Variants in EYA4 observed in about 807,000 individuals in gnomAD.
The protein encoded by EYA4 is protein phosphatase EYA4.
In EYA4, 31 loss-of-function variants were observed where a neutral mutation model predicts 87.9. The observed-to-expected ratio is 0.35, with a 90% confidence interval of 0.27 to 0.48. The LOEUF (loss-of-function observed/expected upper bound fraction) is 0.48. EYA4 is among the 20% of genes least tolerant of loss of function. EYA4 has a pLI of 0.99. For synonymous variants in EYA4, 263 were observed against 270.6 expected (o/e 0.97, Z 0.28); for missense variants, 678 against 761.4 (o/e 0.89, Z 1.29).
chr6:133,297,141 G>GT (rs1181662482), intron 2 of EYA4, among the ~76,000 whole-genome samples: 4 of 151,958 alleles, frequency 2.6e-5, no homozygotes. Context: ...GGTCCTTTTT[G>GT]TTTTTTATGA....
chr6:133,361,865 T>C (rs947689953), intron 2 of EYA4, among the ~76,000 whole-genome samples: 2 of 152,242 alleles, frequency 1.3e-5, no homozygotes, highest in Non-Finnish European at 2.9e-5. Flanking sequence ...GTGCCCTGCA[T>C]GTTACTAGCC....
intron 2 of EYA4, among the ~76,000 whole-genome samples, chr6:133,309,915 G>A (rs1177425965): frequency 3.9e-5 from 6 of 152,172 alleles, no homozygotes; most frequent in African/African-American, 1.4e-4. Context: ...ATTTGTAGGA[G>A]AGTAGAAAAG....
intron 13 of EYA4, among the ~76,000 whole-genome samples, chr6:133,494,690 G>GTT (rs1040390503): frequency 2.3e-5 from 3 of 129,052 alleles, no homozygotes; most frequent in South Asian, 2.4e-4. Context: ...AAAAAAAAGT[G>GTT]TTTTTTTTTT....
chr6:133,319,553 T>G (rs1446646626), intron 2 of EYA4, among the ~76,000 whole-genome samples: 1 of 151,418 alleles, frequency 6.6e-6, no homozygotes, highest in Non-Finnish European at 1.5e-5. Context: ...TTAATTAAAC[T>G]TTTTTATATC....
chr6:133,268,283 A>C (rs1205581476), intron 1 of EYA4, among the ~76,000 whole-genome samples: 2 of 151,930 alleles, frequency 1.3e-5, no homozygotes, highest in Non-Finnish European at 2.9e-5. Context: ...GTATCCTTTT[A>C]CTTTTGGGGC....
intron 3 of EYA4, among the ~76,000 whole-genome samples, chr6:133,397,359 A>G (rs1484756344): frequency 1.3e-5 from 2 of 152,192 alleles, no homozygotes; most frequent in Non-Finnish European, 2.9e-5. Flanking sequence ...ATTGTTTCCA[A>G]AACGCCTACA....
At chr6:133,307,572 G>T (rs2128325237) in intron 2 of EYA4, among the ~76,000 whole-genome samples, 1 of 152,276 alleles carries the variant, frequency 6.6e-6, no homozygotes, top group Non-Finnish European at 1.5e-5. Flanking sequence ...ATCCAGATTT[G>T]ACTGGCTGTA....
chr6:133,335,886 A>C (rs369590929), intron 2 of EYA4, among the ~76,000 whole-genome samples: 1 of 152,178 alleles, frequency 6.6e-6, no homozygotes, highest in African/African-American at 2.4e-5. Flanking sequence ...TTAGAGAGAC[A>C]GTGAGTGAGC....
At position 133,474,559 on chromosome 6, in the gene EYA4, T is replaced by C. The variant is rs77150271; in HGVS notation, c.970+5828T>C. Among the ~76,000 whole-genome samples, 10 of 152,242 alleles carry C rather than the reference T, an allele frequency of 6.6e-5. No individual in the cohort carries two copies. In the East Asian group the frequency reaches 1.9e-3, roughly 29 times the overall value. On this transcript the variant is annotated intron_variant, in intron 11 of 19. Transcript: ENST00000355286. ...TTTTCAGATTTTATTAGACTGTCTG[T>C]TGAATTTAAAGAAGGAATTAATTCT...
At chr6:133,359,007 A>C (rs1784272950) in intron 2 of EYA4, among the ~76,000 whole-genome samples, 1 of 152,172 alleles carries the variant, frequency 6.6e-6, no homozygotes, top group Non-Finnish European at 1.5e-5. Context: ...GGAAACGAGG[A>C]AAAGAGGCCT....
intron 2 of EYA4, among the ~76,000 whole-genome samples, chr6:133,354,315 A>G (rs368616264): frequency 1.3e-5 from 2 of 152,188 alleles, no homozygotes; most frequent in East Asian, 3.9e-4. Flanking sequence ...ACATACTACC[A>G]GTAATAATAG....
intron 2 of EYA4, among the ~76,000 whole-genome samples, chr6:133,336,106 A>T (rs548163278): frequency 8.8e-4 from 134 of 152,278 alleles, no homozygotes; most frequent in Middle Eastern, 6.8e-3. Context: ...AGAAAGAATG[A>T]TGGGGTGTCA....
chr6:133,351,700 A>G (rs943394869), intron 2 of EYA4, among the ~76,000 whole-genome samples: 18 of 152,192 alleles, frequency 1.2e-4, no homozygotes, highest in African/African-American at 4.1e-4. Flanking sequence ...GGATTTCTAA[A>G]TGTTTCATTA....
intron 3 of EYA4, among the ~76,000 whole-genome samples, chr6:133,413,053 A>G (rs892909498): frequency 5.9e-5 from 9 of 152,212 alleles, no homozygotes; most frequent in African/African-American, 1.9e-4. Flanking sequence ...CACAACTTAA[A>G]TCCTATTTAT....
chr6:133,318,049 GATAA>G (rs1444056962), intron 2 of EYA4, among the ~76,000 whole-genome samples: 1 of 152,134 alleles, frequency 6.6e-6, no homozygotes, highest in African/African-American at 2.4e-5. Context: ...TAGTTTTGAA[GATAA>G]ATAATACATA....
chr6:133,527,651 C>T (rs1189893114), intron 19 of EYA4, among the ~76,000 whole-genome samples: 1 of 152,114 alleles, frequency 6.6e-6, no homozygotes, highest in Non-Finnish European at 1.5e-5. Flanking sequence ...CTGGACCAAC[C>T]ACATTTCAAG....
At chr6:133,379,639 A>G (rs544197326) in intron 2 of EYA4, among the ~76,000 whole-genome samples, 2 of 152,218 alleles carry the variant, frequency 1.3e-5, no homozygotes, top group South Asian at 4.1e-4. Flanking sequence ...TTTGTCAAAA[A>G]CACCCTCTCA....
chr6:133,349,900 T>A (rs1385384362), intron 2 of EYA4, among the ~76,000 whole-genome samples: 1 of 152,116 alleles, frequency 6.6e-6, no homozygotes, highest in African/African-American at 2.4e-5. Flanking sequence ...GACTGCCAAT[T>A]TGAGAGCTCT....
chr6:133,421,484 T>C (rs1250585763), intron 3 of EYA4, among the ~76,000 whole-genome samples: 1 of 152,230 alleles, frequency 6.6e-6, no homozygotes, highest in Non-Finnish European at 1.5e-5. Flanking sequence ...TTGGTGATGA[T>C]ATGTCTTATT....
Sources: gnomAD v4.1 joint callset for allele counts (sites outside exome capture counted in the v4.1 genomes callset) on GRCh38, gnomAD v4.1.1 for gene constraint, MANE v1.5 for transcripts, NCBI Gene and HGNC (gene_info 2026-07-23, HGNC 2026-07-21) for gene names.